The following TRAPPC9 variants were observed in gnomAD, a reference collection of about 807,000 sequenced individuals.
The protein encoded by TRAPPC9 is trafficking protein particle complex subunit 9.
TRAPPC9 carries 83 observed loss-of-function variants against 124.0 expected under a neutral mutation model. The ratio of observed to expected loss-of-function variants is 0.67; its 90% CI spans 0.56 to 0.80. The LOEUF is 0.80. Among genes scored for constraint, TRAPPC9 ranks in the 30% least tolerant of loss-of-function variants. The pLI, the probability that TRAPPC9 is intolerant of heterozygous loss-of-function variation, is 0.00. For synonymous variants in TRAPPC9, 638 were observed against 617.5 expected (o/e 1.03, Z -0.49); for missense variants, 1,302 against 1,508.3 (o/e 0.86, Z 2.27).
At position 140,104,405 on chromosome 8, in the gene TRAPPC9, G is replaced by A. The variant is rs2060629276; in HGVS notation, c.2557-80326C>T. Among the ~76,000 whole-genome samples the A allele has an allele frequency of 6.6e-6, 1 of 152,170 alleles. No individual in the cohort carries two copies. Among genetic ancestry groups the A allele is most frequent in the Non-Finnish European group, 1.5e-5 (1 of 68,032 alleles). On this transcript the variant is annotated intron_variant, in intron 17 of 22. Coordinates refer to ENST00000438773, the MANE Select transcript of TRAPPC9 (RefSeq NM_001160372.4). This position sits in a 1 kb window ranked among gnomAD's most constrained non-coding sequence, Gnocchi z 4.0. ...ATGGAATATCATCAGGAATAAAGAT[G>A]ACTGAGACCCTGCGATCTCTGAGAT...
At chr8:139,748,492 G>A (rs988584777) in intron 21 of TRAPPC9, among the ~76,000 whole-genome samples, 6 of 148,686 alleles carry the variant, frequency 4.0e-5, no homozygotes, top group African/African-American at 1.5e-4. Flanking sequence ...GTCAGAGCAG[G>A]TAGGGGGGGC....
At chr8:140,389,658 A>C (rs2068866326) in intron 7 of TRAPPC9, among the ~76,000 whole-genome samples, 1 of 152,202 alleles carries the variant, frequency 6.6e-6, no homozygotes, top group Non-Finnish European at 1.5e-5. Flanking sequence ...CTTTCCTATT[A>C]AAAATGTATC....
At chr8:140,050,172 T>C (rs1337861089) in intron 17 of TRAPPC9, among the ~76,000 whole-genome samples, 1 of 152,140 alleles carries the variant, frequency 6.6e-6, no homozygotes, top group African/African-American at 2.4e-5. Context: ...AGGCCTTTGG[T>C]TTTCACACTG....
intron 14 of TRAPPC9, among the ~76,000 whole-genome samples, chr8:140,279,109 G>T (rs962363867): frequency 6.6e-6 from 1 of 152,180 alleles, no homozygotes; most frequent in Admixed American, 6.5e-5. Flanking sequence ...GATCTTGTAA[G>T]GCCCAGTTTA....
intron 18 of TRAPPC9, among the ~76,000 whole-genome samples, chr8:139,997,523 GAGACA>G (rs1838093103): frequency 6.8e-6 from 1 of 146,040 alleles, no homozygotes; most frequent in African/African-American, 2.6e-5. Flanking sequence ...CTACACAGGG[GAGACA>G]ATGCATCCTA....
At chr8:140,434,725 C>T (rs867423102) in intron 4 of TRAPPC9, among the ~76,000 whole-genome samples, 17 of 152,292 alleles carry the variant, frequency 1.1e-4, no homozygotes, top group Middle Eastern at 3.4e-3. Context: ...AATCCCAGCA[C>T]TTTGGGAGGC....
In TRAPPC9 at chr8:139,963,965, C is replaced by T. The variant is rs145995641; in HGVS notation, c.2810+24761G>A. Among the ~76,000 whole-genome samples the T allele has an allele frequency of 5.1e-3, 772 of 152,240 alleles. 4 individuals carry two copies. Among genetic ancestry groups the T allele is most frequent in the African/African-American group, 0.018 (740 of 41,548 alleles). On this transcript the variant is annotated intron_variant, in intron 19 of 22. Transcript: ENST00000438773. Reference sequence around the variant, plus strand: ...TTTAGCCAGGCACGGTGGCTCACGCCTGTAATCCCAGCACTTTGGGAGGCC... The same window carrying T: ...TTTAGCCAGGCACGGTGGCTCACGCTTGTAATCCCAGCACTTTGGGAGGCC...
chr8:140,259,510 G>A (rs545141137), intron 15 of TRAPPC9, among the ~76,000 whole-genome samples: 2 of 152,328 alleles, frequency 1.3e-5, no homozygotes, highest in East Asian at 1.9e-4. Flanking sequence ...GCTATCCTTC[G>A]ATAAGTTACC....
chr8:139,919,219 T>C (rs1313864887), intron 19 of TRAPPC9, among the ~76,000 whole-genome samples: 2 of 152,198 alleles, frequency 1.3e-5, no homozygotes, highest in Non-Finnish European at 2.9e-5. Flanking sequence ...TTCTCACCTG[T>C]TTGCTTTGTG....
At chr8:140,070,400 G>A (rs1843098401) in intron 17 of TRAPPC9, among the ~76,000 whole-genome samples, 1 of 151,986 alleles carries the variant, frequency 6.6e-6, no homozygotes, top group South Asian at 2.1e-4. Flanking sequence ...GTCAGCACTG[G>A]AATTAATGTA....
chr8:139,983,958 C>G (rs914670576), intron 19 of TRAPPC9, among the ~76,000 whole-genome samples: 2 of 152,192 alleles, frequency 1.3e-5, no homozygotes, highest in Non-Finnish European at 1.5e-5. Flanking sequence ...CTGAATGTGA[C>G]TTCATATGGG....
intron 19 of TRAPPC9, among the ~76,000 whole-genome samples, chr8:139,929,125 A>C (rs1276369000): frequency 6.6e-6 from 1 of 152,214 alleles, no homozygotes; most frequent in East Asian, 1.9e-4. Flanking sequence ...AAAATAAAGA[A>C]GCCACTCTCT....
intron 17 of TRAPPC9, among the ~76,000 whole-genome samples, chr8:140,163,587 G>A (rs780197807): frequency 2.0e-5 from 3 of 152,214 alleles, no homozygotes; most frequent in Non-Finnish European, 4.4e-5. Context: ...GACCAGACAG[G>A]GGAACGCTGT....
At position 139,861,434 on chromosome 8, in the gene TRAPPC9, T is replaced by C. The variant is rs375874522; in HGVS notation, c.3055+24445A>G. Among the ~76,000 whole-genome samples the C allele has an allele frequency of 1.4e-4, 22 of 152,266 alleles. No homozygotes were observed. In the East Asian group the frequency reaches 3.7e-3, roughly 25 times the overall value. On this transcript the variant is annotated intron_variant, in intron 21 of 22. Coordinates refer to ENST00000438773, the MANE Select transcript of TRAPPC9 (RefSeq NM_001160372.4). The stretch of plus-strand genomic sequence containing the variant: ...TAAAGGTGACTTAGGTCAGAGCAGG[T>C]GACCAGGATGAGTCAGGATGGATTG...
intron 9 of TRAPPC9, among the ~76,000 whole-genome samples, chr8:140,335,856 G>A (rs1048475914): frequency 3.3e-5 from 5 of 151,776 alleles, no homozygotes; most frequent in African/African-American, 7.3e-5. Flanking sequence ...ACAGGCTCCC[G>A]CCACCATGTC....
At chr8:139,904,123 G>A (rs1831193283) in intron 20 of TRAPPC9, among the ~76,000 whole-genome samples, 1 of 152,188 alleles carries the variant, frequency 6.6e-6, no homozygotes, top group South Asian at 2.1e-4. Flanking sequence ...TGAGCATCTG[G>A]TGTGCCCTGG....
At chr8:139,810,822 G>A (rs1824390862) in intron 21 of TRAPPC9, among the ~76,000 whole-genome samples, 1 of 151,072 alleles carries the variant, frequency 6.6e-6, no homozygotes, top group Non-Finnish European at 1.5e-5. Flanking sequence ...GGACAGACCA[G>A]GCCAGAGGAC....
At chr8:140,034,664 G>C (rs1458137533) in intron 17 of TRAPPC9, among the ~76,000 whole-genome samples, 1 of 152,222 alleles carries the variant, frequency 6.6e-6, no homozygotes, top group Non-Finnish European at 1.5e-5. Context: ...GGAGAAAGCT[G>C]ACATTCAGTA....
rs776155126 is a variant in TRAPPC9, at chr8:140,033,658, G to GTTTTTTTTTTTTTT, written c.2557-9593_2557-9580dup. Among the ~76,000 whole-genome samples the GTTTTTTTTTTTTTT allele has an allele frequency of 2.4e-4, 10 of 42,390 alleles. 1 individual carries two copies. The highest frequency in any genetic ancestry group is 0.029 in the Middle Eastern group (1 of 34). The allele number at this position is 42,390 out of a possible 152,430, so 27.8% of individuals were successfully genotyped here. ...TTGAAATGCAACTCTTCATAATGTG[G>GTTTTTTTTTTTTTT]TTTTTTTTTTTTTTTTTTTTTTTTT... On this transcript the variant is annotated intron_variant, in intron 17 of 22. Transcript: ENST00000438773.
Sources: allele counts gnomAD v4.1 joint callset (sites outside exome capture counted in the v4.1 genomes callset), GRCh38; gene constraint gnomAD v4.1.1; non-coding constraint Gnocchi (gnomAD v3.1); transcripts MANE v1.5; gene names NCBI Gene and HGNC (gene_info 2026-07-23, HGNC 2026-07-21).